Variants in KIF20A observed in about 807,000 individuals in gnomAD.
KIF20A encodes kinesin family member 20A, also known as kinesin-like protein KIF20A.
In KIF20A, 66 loss-of-function variants were observed where a neutral mutation model predicts 113.0. The observed-to-expected ratio is 0.58, with a 90% CI of 0.48 to 0.72. The LOEUF is 0.72. KIF20A is among the 30% of genes least tolerant of loss of function. The pLI, the probability that KIF20A is intolerant of heterozygous loss-of-function variation, is 0.00. For synonymous variants in KIF20A, 376 were observed against 402.3 expected, an observed-to-expected ratio of 0.93 and a Z score of 0.78; for missense variants, 927 against 1,077.6, an observed-to-expected ratio of 0.86 and a Z score of 1.96.
Position 138,183,613 on chromosome 5 carries a change from G to A in KIF20A, c.1139+32G>A. The A allele has an allele frequency of 6.2e-7, 1 of 1,609,720 alleles. No individual in the cohort carries two copies. Among genetic ancestry groups the A allele is most frequent in the Middle Eastern group, 1.7e-4 (1 of 6,054 alleles). Reference sequence around the variant, plus strand: ...AGATTGTAAGAATAAACTCTTCACTGTGTTCCAGGAAACATTAGTCCTCTG... The same window carrying A: ...AGATTGTAAGAATAAACTCTTCACTATGTTCCAGGAAACATTAGTCCTCTG... On this transcript the variant is annotated intron_variant, in intron 9 of 18. Transcript: ENST00000394894. This position sits in a 1 kb window ranked among gnomAD's most constrained non-coding sequence, Gnocchi z 5.2.
At chr5:138,179,604 G>C in intron 1 of KIF20A, 56 bp from the exon 2 acceptor site, 2 of 1,476,682 alleles carry the variant, frequency 1.4e-6, no homozygotes, top group Non-Finnish European at 1.9e-6. Flanking sequence ...TAAAATTCGC[G>C]GCCCCTTCTG....
At position 138,186,277 on chromosome 5, in the gene KIF20A, T is replaced by C. The variant is rs1581480105; in HGVS notation, c.2218-17T>C. 6.3e-7 allele frequency: 1 copy of C among 1,584,842 alleles called. No individual in the cohort carries two copies. Among genetic ancestry groups the C allele is most frequent in the South Asian group, 1.2e-5 (1 of 86,576 alleles). On this transcript the variant is annotated splice_polypyrimidine_tract_variant and intron_variant, in intron 17 of 18. Transcript: ENST00000394894. ...TTGCTCTTGGCCACAATATGATTCC[T>C]ACTTCCCCTTTTTCAGAATATAAGG...
rs1754744648 is a variant in KIF20A at position 138,186,303 on chromosome 5, C to T, written c.2227C>T (p.Leu743=). The T allele has an allele frequency of 3.8e-6, 6 of 1,595,118 alleles. No homozygotes were observed. Among genetic ancestry groups the T allele is most frequent in the Non-Finnish European group, 3.4e-6 (4 of 1,175,734 alleles). The change falls in exon 18 of 19, where the codon CTG becomes TTG. Residue 743 remains leucine (L), a synonymous_variant. Transcript: ENST00000394894. ...KLEEGQKNIR[L]LRTELQKLGE... is the part of the protein sequence containing the mutation. ...ACTTCCCCTTTTTCAGAATATAAGGCTGTTGCGGACAGAGCTTCAGAAACT... is the reference window on the plus strand; with the variant it reads ...ACTTCCCCTTTTTCAGAATATAAGGTTGTTGCGGACAGAGCTTCAGAAACT...
In KIF20A at chr5:138,183,263, C is replaced by T. The variant is rs758732617; in HGVS notation, c.927C>T (p.Tyr309=). 1 of 1,614,234 alleles carries T rather than the reference C, an allele frequency of 6.2e-7. No individual in the cohort carries two copies. Among genetic ancestry groups the T allele is most frequent in the Non-Finnish European group, 8.5e-7 (1 of 1,180,038 alleles). Reference sequence around the variant, plus strand: ...TCTGGATCTCATTCTTTGAGATCTACAACGAACTGCTTTATGACCTATTAG... The same window carrying T: ...TCTGGATCTCATTCTTTGAGATCTATAACGAACTGCTTTATGACCTATTAG... ...FSIWISFFEI[Y]NELLYDLLEP... The change falls in exon 8 of 19, where the codon TAC becomes TAT. Residue 309 remains tyrosine (Y), a synonymous_variant. Coordinates refer to ENST00000394894, the MANE Select transcript of KIF20A (RefSeq NM_005733.3). This position sits in a 1 kb window ranked among gnomAD's most constrained non-coding sequence, Gnocchi z 5.2.
In KIF20A at chr5:138,182,759, G is replaced by C. The variant is rs1754680986; in HGVS notation, c.688G>C (p.Gly230Arg). The change falls in exon 6 of 19, where the codon GGA (glycine) becomes CGA (arginine). Residue 230 changes from glycine to arginine, a missense_variant. Gly to Arg is a moderately radical substitution (Grantham distance 125). Coordinates refer to ENST00000394894, the MANE Select transcript of KIF20A (RefSeq NM_005733.3). ...AATGAAGAAGCTGTCCCTGCTAAAT[G>C]GAGGCCTCCAAGAGGTAAAGCATTG... The part of the protein sequence containing the change: ...EEMKKLSLLN[G>R]GLQEEELSTS... 2 of 1,613,630 alleles carry C rather than the reference G, an allele frequency of 1.2e-6. No individual in the cohort carries two copies. The highest frequency in any genetic ancestry group is 1.3e-5 in the African/African-American group (1 of 74,916).
intron 18 of KIF20A, 145 bp from the exon 19 acceptor site, chr5:138,186,951 A>G: frequency 3.0e-6 from 2 of 662,514 alleles, no homozygotes; most frequent in Non-Finnish European, 5.0e-6. Flanking sequence ...TTATTCAGTT[A>G]TAAGCTCCGA....
chr5:138,183,829 CAGGGGAACT>C lies in KIF20A; in HGVS notation c.1208+75_1208+83del. 1 of 1,562,680 alleles carries C rather than the reference CAGGGGAACT, an allele frequency of 6.4e-7. No individual in the cohort carries two copies. The highest frequency in any genetic ancestry group is 1.1e-5 in the South Asian group (1 of 89,250). ...GTTGGGAAAGCATGGAGGAGGTCCTCAGGGGAACTATGTGTTCTCCTTCTTTGGGTACAG... is the reference window on the plus strand; with the variant it reads ...GTTGGGAAAGCATGGAGGAGGTCCTCATGTGTTCTCCTTCTTTGGGTACAG... On this transcript the variant is annotated intron_variant, in intron 10 of 18. Coordinates refer to ENST00000394894, the MANE Select transcript of KIF20A (RefSeq NM_005733.3). This position sits in a 1 kb window ranked among gnomAD's most constrained non-coding sequence, Gnocchi z 5.2.
intron 2 of KIF20A, among the ~76,000 whole-genome samples, chr5:138,180,231 T>C (rs1277112691): frequency 6.6e-6 from 1 of 152,220 alleles, no homozygotes; most frequent in East Asian, 1.9e-4. Context: ...GTTTTAATAG[T>C]ATCACCATAG....
intron 18 of KIF20A, 35 bp downstream of exon 18, chr5:138,186,466 C>A: frequency 6.3e-7 from 1 of 1,592,200 alleles, no homozygotes; most frequent in African/African-American, 1.4e-5. Flanking sequence ...TCTGTCCTAC[C>A]AGCCCACTCC....
chr5:138,185,786 C>A (rs2151234069), intron 16 of KIF20A, 76 bp downstream of exon 16: 1 of 1,491,104 alleles, frequency 6.7e-7, no homozygotes, highest in Non-Finnish European at 9.3e-7. Flanking sequence ...CCTTCTAACT[C>A]CTGCTCTAAC....
At position 138,184,502 on chromosome 5, in the gene KIF20A, T is replaced by C. The variant is rs1382779743; in HGVS notation, c.1519-10T>C. The C allele has an allele frequency of 8.7e-6, 14 of 1,610,838 alleles. No individual in the cohort carries two copies. Among genetic ancestry groups the C allele is most frequent in the Non-Finnish European group, 1.2e-5 (14 of 1,177,394 alleles). On this transcript the variant is annotated splice_polypyrimidine_tract_variant and intron_variant, in intron 12 of 18. Coordinates refer to ENST00000394894, the MANE Select transcript of KIF20A (RefSeq NM_005733.3). ...TATGGAGTCAAGTAAGATATTTTTT[T>C]TCCCTCTAGCTTGTGCATGCCCCAC...
rs368663116 is a variant in KIF20A, at chr5:138,183,307, G to T, written c.971G>T (p.Arg324Leu). The T allele has an allele frequency of 1.9e-6, 3 of 1,614,082 alleles. No individual in the cohort carries two copies. The highest frequency in any genetic ancestry group is 8.5e-7 in the Non-Finnish European group (1 of 1,180,056). ...YDLLEPPSQQ[R>L]KRQTLRLCED... ...CTATTAGAACCGCCTAGCCAACAGCGCAAGAGGCAGACTTTGCGGCTATGC... is the reference window on the plus strand; with the variant it reads ...CTATTAGAACCGCCTAGCCAACAGCTCAAGAGGCAGACTTTGCGGCTATGC... Residue 324 changes from arginine (R) to leucine (L), a missense_variant, in exon 8 of 19, where the codon CGC (arginine) becomes CTC (leucine). Transcript: ENST00000394894. This position sits in a 1 kb window ranked among gnomAD's most constrained non-coding sequence, Gnocchi z 5.2.
At chr5:138,182,009 G>A in intron 4 of KIF20A, 1 of 570,684 alleles carries the variant, frequency 1.8e-6, no homozygotes, top group Non-Finnish European at 3.1e-6. Flanking sequence ...GTCACTAGTA[G>A]AGTTAGGACC....
intron 2 of KIF20A, 57 bp downstream of exon 2, chr5:138,179,902 T>A: frequency 1.3e-6 from 2 of 1,568,956 alleles, no homozygotes; most frequent in Non-Finnish European, 1.7e-6. Flanking sequence ...CCAATAATTG[T>A]CCATACAGGG....
chr5:138,185,477 TCTG>T, intron 15 of KIF20A, 32 bp from the exon 16 acceptor site: 1 of 1,594,810 alleles, frequency 6.3e-7, no homozygotes, highest in Non-Finnish European at 8.6e-7. Context: ...TTTTTCTGGC[TCTG>T]CAAAGAATTG....
At chr5:138,187,028 C>A in intron 18 of KIF20A, 68 bp from the exon 19 acceptor site, 1 of 1,203,520 alleles carries the variant, frequency 8.3e-7, no homozygotes, top group East Asian at 2.4e-5. Flanking sequence ...ATGTATTACC[C>A]TTAGCCCTCT....
In KIF20A at chr5:138,182,454, G is replaced by A. The variant is rs375606679; in HGVS notation, c.507G>A (p.Thr169=). ...YGVTNSGKTH[T]IQGTIKDGGI... ...TCACTAACTCAGGGAAAACCCACACGATTCAAGGTGAGTAGTAAGCCTTCA... is the reference window on the plus strand; with the variant it reads ...TCACTAACTCAGGGAAAACCCACACAATTCAAGGTGAGTAGTAAGCCTTCA... The change falls in exon 5 of 19, where the codon ACG becomes ACA. Residue 169 remains threonine (T), a synonymous_variant. Transcript: ENST00000394894. 10 of 1,613,978 alleles carry A rather than the reference G, an allele frequency of 6.2e-6. No homozygotes were observed. Among genetic ancestry groups the A allele is most frequent in the East Asian group, 2.2e-5 (1 of 44,888 alleles).
intron 15 of KIF20A, 117 bp downstream of exon 15, chr5:138,185,314 C>T: frequency 1.2e-6 from 1 of 840,800 alleles, no homozygotes; most frequent in Non-Finnish European, 1.9e-6. Context: ...ACTCCCTTTT[C>T]TCTATTCCCC....
chr5:138,187,661 A>AT lies in KIF20A; in HGVS notation c.*254dup, dbSNP rs1754769540. The AT allele has an allele frequency of 5.9e-6, 2 of 337,086 alleles. No homozygotes were observed. Among genetic ancestry groups the AT allele is most frequent in the African/African-American group, 2.1e-5 (1 of 47,192 alleles). 20.9% of individuals were successfully genotyped at this position (337,086 alleles called of 1,614,324 possible). On this transcript the variant is annotated 3_prime_UTR_variant, in exon 19 of 19. Coordinates refer to ENST00000394894, the MANE Select transcript of KIF20A (RefSeq NM_005733.3). ...TTATATTAAAGATATTATTGTTCAC[A>AT]TTTTTTATTGAATTCCAAATGTAGC...
Sources: allele counts gnomAD v4.1 joint callset (sites outside exome capture counted in the v4.1 genomes callset), GRCh38; gene constraint gnomAD v4.1.1; non-coding constraint Gnocchi (gnomAD v3.1); transcripts MANE v1.5; gene names NCBI Gene and HGNC (gene_info 2026-07-23, HGNC 2026-07-21).